JAKMIP1: variants seen among roughly 807,000 people sequenced by gnomAD.
JAKMIP1 encodes the protein janus kinase and microtubule interacting protein 1.
In JAKMIP1, 33 loss-of-function variants were observed where a neutral mutation model predicts 113.0. The observed-to-expected ratio is 0.29, with a 90% confidence interval of 0.22 to 0.39. The LOEUF (loss-of-function observed/expected upper bound fraction) is 0.39. Ranked by LOEUF, JAKMIP1 falls within the 10% of genes least tolerant of loss-of-function variation. The probability of loss-of-function intolerance (pLI) is 1.00; values close to 1 mark genes in which losing one functional copy is unlikely to be tolerated. For missense variants in JAKMIP1, 813 were observed against 1,080.5 expected, an observed-to-expected ratio of 0.75 and a Z score of 3.47; for synonymous variants, 480 against 459.9, an observed-to-expected ratio of 1.04 and a Z score of -0.56.
At chr4:6,152,695 A>T (rs112979019) in intron 1 of JAKMIP1, among the ~76,000 whole-genome samples, 5,441 of 151,504 alleles carry the variant, frequency 0.036, 325 homozygotes, top group African/African-American at 0.12. Flanking sequence ...TAATCCCAGC[A>T]CTTTGGGAGG....
chr4:6,152,839 TG>T (rs1378712944), intron 1 of JAKMIP1, among the ~76,000 whole-genome samples: 1 of 149,658 alleles, frequency 6.7e-6, no homozygotes, highest in Non-Finnish European at 1.5e-5. Flanking sequence ...GGCATGGTGG[TG>T]GGCTCCTATA....
At chr4:6,125,638 A>C (rs1717336588) in intron 1 of JAKMIP1, among the ~76,000 whole-genome samples, 1 of 140,750 alleles carries the variant, frequency 7.1e-6, no homozygotes. Context: ...ACACACACAC[A>C]CCATACACAC....
intron 5 of JAKMIP1, among the ~76,000 whole-genome samples, chr4:6,082,473 AT>A (rs1180344680): frequency 7.1e-4 from 105 of 147,114 alleles, no homozygotes; most frequent in South Asian, 2.4e-3. Flanking sequence ...TCTTCATGGC[AT>A]TTTTTTTTTT....
At position 6,088,203 on chromosome 4, in the gene JAKMIP1, C is replaced by T. The variant is rs146022363; in HGVS notation, c.625-2574G>A. Among the ~76,000 whole-genome samples, 85 of 152,078 alleles carry T rather than the reference C, an allele frequency of 5.6e-4. No individual in the cohort carries two copies. The highest frequency in any genetic ancestry group is 1.9e-3 in the African/African-American group (78 of 41,478). ...TAGGGGCTTCTATTCTGCTAGTGGG[C>T]GGAGCAGGCAATAAACATAATAAAT... On this transcript the variant is annotated intron_variant, in intron 3 of 20. Transcript: ENST00000409021. This position sits in a 1 kb window ranked among gnomAD's most constrained non-coding sequence, Gnocchi z 5.5.
chr4:6,056,656 T>C (rs766118265), intron 12 of JAKMIP1, 41 bp downstream of exon 12: 1 of 1,544,986 alleles, frequency 6.5e-7, no homozygotes, highest in South Asian at 1.1e-5. Flanking sequence ...GGGTCCCAAC[T>C]GCCCTGCGGC....
In JAKMIP1 at chr4:6,051,223, C is replaced by CT. The variant is rs58425504; in HGVS notation, c.1807-545dup. Among the ~76,000 whole-genome samples, 2,264 of 139,020 alleles carry CT rather than the reference C, an allele frequency of 0.016. 28 individuals carry two copies. The highest frequency in any genetic ancestry group is 0.068 in the South Asian group (294 of 4,336). The allele number at this position is 139,020 out of a possible 152,430, so 91.2% of individuals were successfully genotyped here. A position where few individuals can be genotyped will look rare whatever the true frequency, so the allele number is the denominator to read the frequency against. On this transcript the variant is annotated intron_variant, in intron 13 of 20. Coordinates refer to ENST00000409021, the MANE Select transcript of JAKMIP1 (RefSeq NM_001099433.2). The surrounding 1 kb of genome is among the most constrained non-coding windows in gnomAD (Gnocchi z 5.0). ...GGCTGACTTTCTTTCTTTTTCTTTC[C>CT]TTTTTTTTTTTTTTTTGAGAGGGTG...
At chr4:6,175,122 C>T (rs1725181699) in intron 1 of JAKMIP1, among the ~76,000 whole-genome samples, 1 of 152,154 alleles carries the variant, frequency 6.6e-6, no homozygotes, top group Non-Finnish European at 1.5e-5. Flanking sequence ...CCCAAACTCC[C>T]CTCACCTGCC....
chr4:6,105,321 T>C, intron 3 of JAKMIP1, 152 bp downstream of exon 3: 1 of 679,280 alleles, frequency 1.5e-6, no homozygotes, highest in South Asian at 2.0e-5. Context: ...CAAAGCCTCC[T>C]TACCACACCT....
In JAKMIP1 at chr4:6,099,458, A is replaced by C. The variant is rs1461764723; in HGVS notation, c.624+6015T>G. ...TCACGCACCCCCTCAGACAAGACTGAAGGACTGTGCGAGAGCACAGATCCA... is the reference window on the plus strand; with the variant it reads ...TCACGCACCCCCTCAGACAAGACTGCAGGACTGTGCGAGAGCACAGATCCA... On this transcript the variant is annotated intron_variant, in intron 3 of 20. Transcript: ENST00000409021. Among the ~76,000 whole-genome samples, 4 of 152,238 alleles carry C rather than the reference A, an allele frequency of 2.6e-5. No homozygotes were observed. In the East Asian group the frequency reaches 7.7e-4, roughly 29 times the overall value.
Position 6,086,117 on chromosome 4 carries a change from C to G in JAKMIP1, c.625-488G>C, listed in dbSNP as rs552433622. Among the ~76,000 whole-genome samples the G allele has an allele frequency of 6.6e-6, 1 of 152,106 alleles. No individual in the cohort carries two copies. Among genetic ancestry groups the G allele is most frequent in the Admixed American group, 6.5e-5 (1 of 15,276 alleles). On this transcript the variant is annotated intron_variant, in intron 3 of 20. Coordinates refer to ENST00000409021, the MANE Select transcript of JAKMIP1 (RefSeq NM_001099433.2). This position sits in a 1 kb window ranked among gnomAD's most constrained non-coding sequence, Gnocchi z 4.1. ...GTGCTCTCCTGGCCACCGAACCCAC[C>G]GGACAACGTTGTCCTCCCGCCCTGA...
In JAKMIP1 at chr4:6,140,031, G is replaced by A. The variant is rs1040954652; in HGVS notation, c.-147-27034C>T. On this transcript the variant is annotated intron_variant, in intron 1 of 20. Coordinates refer to ENST00000409021, the MANE Select transcript of JAKMIP1 (RefSeq NM_001099433.2). This position sits in a 1 kb window ranked among gnomAD's most constrained non-coding sequence, Gnocchi z 9.4. ...AGCCTCCAGAACTAAGAGACCATCCGTTTGTCTTGTGTATTCCATGGTACA... is the reference window on the plus strand; with the variant it reads ...AGCCTCCAGAACTAAGAGACCATCCATTTGTCTTGTGTATTCCATGGTACA... Among the ~76,000 whole-genome samples the A allele has an allele frequency of 7.2e-5, 11 of 152,186 alleles. No individual in the cohort carries two copies. The highest frequency in any genetic ancestry group is 2.4e-4 in the African/African-American group (10 of 41,500).
Position 6,116,063 on chromosome 4 carries a change from T to C in JAKMIP1, c.-147-3066A>G, listed in dbSNP as rs115358338. Among the ~76,000 whole-genome samples, 2,824 of 152,156 alleles carry C rather than the reference T, an allele frequency of 0.019. 80 individuals are homozygous for C. Among genetic ancestry groups the C allele is most frequent in the African/African-American group, 0.063 (2,609 of 41,492 alleles). ...ACTCTCAACACCCCATGCCAGACACTGCCAGGCTGGGCCACAGTGAGTGTG... is the reference window on the plus strand; with the variant it reads ...ACTCTCAACACCCCATGCCAGACACCGCCAGGCTGGGCCACAGTGAGTGTG... On this transcript the variant is annotated intron_variant, in intron 1 of 20. Coordinates refer to ENST00000409021, the MANE Select transcript of JAKMIP1 (RefSeq NM_001099433.2). The surrounding 1 kb of genome is among the most constrained non-coding windows in gnomAD (Gnocchi z 5.1).
chr4:6,131,221 T>TA (rs893794367), intron 1 of JAKMIP1, among the ~76,000 whole-genome samples: 20 of 124,278 alleles, frequency 1.6e-4, no homozygotes, highest in African/African-American at 5.1e-4. Flanking sequence ...AACACATATA[T>TA]AAAAAAAAGA....
Position 6,186,631 on chromosome 4 carries a change from G to C in JAKMIP1, c.-148+13622C>G, listed in dbSNP as rs1266168805. 6.6e-6 allele frequency among the ~76,000 whole-genome samples: 1 copy of C among 152,218 alleles called. No individual in the cohort carries two copies. The highest frequency in any genetic ancestry group is 1.5e-5 in the Non-Finnish European group (1 of 68,044). ...TGGAAAATGATTCATGGGCACTAGAGAAGAATATTTATTCTGATGTCCTTG... is the reference window on the plus strand; with the variant it reads ...TGGAAAATGATTCATGGGCACTAGACAAGAATATTTATTCTGATGTCCTTG... On this transcript the variant is annotated intron_variant, in intron 1 of 20. Coordinates refer to ENST00000409021, the MANE Select transcript of JAKMIP1 (RefSeq NM_001099433.2). The surrounding 1 kb of genome is among the most constrained non-coding windows in gnomAD (Gnocchi z 5.5).
intron 8 of JAKMIP1, among the ~76,000 whole-genome samples, chr4:6,070,565 G>T (rs1036252783): frequency 1.3e-5 from 2 of 152,240 alleles, no homozygotes; most frequent in African/African-American, 4.8e-5. Flanking sequence ...TGAGCCGAGA[G>T]CCTGTTGTCA....
At chr4:6,125,610 C>CACCAT (rs1252276468) in intron 1 of JAKMIP1, among the ~76,000 whole-genome samples, 1 of 131,484 alleles carries the variant, frequency 7.6e-6, no homozygotes, top group African/African-American at 3.0e-5. Flanking sequence ...CACACACACA[C>CACCAT]ACACACCATA....
At chr4:6,173,726 C>T (rs1009372867) in intron 1 of JAKMIP1, among the ~76,000 whole-genome samples, 3 of 152,158 alleles carry the variant, frequency 2.0e-5, no homozygotes, top group South Asian at 2.1e-4. Context: ...GCAGACACCA[C>T]GACATCTCAC....
rs144308499 is a variant in JAKMIP1, at chr4:6,136,886, A to T, written c.-147-23889T>A. Among the ~76,000 whole-genome samples, 497 of 152,286 alleles carry T rather than the reference A, an allele frequency of 3.3e-3. 2 individuals are homozygous for T. Among genetic ancestry groups the T allele is most frequent in the African/African-American group, 0.011 (456 of 41,548 alleles). On this transcript the variant is annotated intron_variant, in intron 1 of 20. Coordinates refer to ENST00000409021, the MANE Select transcript of JAKMIP1 (RefSeq NM_001099433.2). The surrounding 1 kb of genome is among the most constrained non-coding windows in gnomAD (Gnocchi z 5.9). ...CCCATCACATAACAGGCATTTAGAC[A>T]CAGTTGCGTTGAAGTTTGGCAAGCG...
At chr4:6,127,189 G>A (rs1453642929) in intron 1 of JAKMIP1, among the ~76,000 whole-genome samples, 2 of 152,168 alleles carry the variant, frequency 1.3e-5, no homozygotes, top group African/African-American at 2.4e-5. Context: ...CCTGGCCAGC[G>A]AGCCCCGTCC....
Sources: gnomAD v4.1 joint callset for allele counts (sites outside exome capture counted in the v4.1 genomes callset) on GRCh38, gnomAD v4.1.1 for gene constraint, Gnocchi (gnomAD v3.1) non-coding constraint, MANE v1.5 for transcripts, NCBI Gene and HGNC (gene_info 2026-07-23, HGNC 2026-07-21) for gene names.